Variants in CHN2 observed in about 807,000 individuals in gnomAD.
CHN2 encodes the protein chimerin 2, also known as beta-chimaerin.
A neutral mutation model predicts 56.3 loss-of-function variants in CHN2; 35 were observed. That is an observed-to-expected ratio of 0.62 (90% CI 0.47 to 0.82). The LOEUF is 0.82. Ranked by LOEUF, CHN2 falls within the 40% of genes least tolerant of loss-of-function variation. The pLI is 0.00. For missense variants in CHN2, 491 were observed against 580.5 expected, an observed-to-expected ratio of 0.85 and a Z score of 1.58; for synonymous variants, 210 against 212.8, an observed-to-expected ratio of 0.99 and a Z score of 0.12.
chr7:29,230,621 G>A (rs1159631903), intron 1 of CHN2, among the ~76,000 whole-genome samples: 3 of 152,164 alleles, frequency 2.0e-5, no homozygotes, highest in African/African-American at 2.4e-5. Flanking sequence ...GATTACAGGC[G>A]TGAGCCACCA....
intron 1 of CHN2, among the ~76,000 whole-genome samples, chr7:29,313,795 G>A (rs2128888785): frequency 6.6e-6 from 1 of 152,274 alleles, no homozygotes; most frequent in East Asian, 1.9e-4. Context: ...GCAGAGATGG[G>A]GGTCTTAAGG....
rs1180658303 is a variant in CHN2, at chr7:29,302,276, CTCCTCT to C, written c.50-52346_50-52341del. 5.1e-3 allele frequency among the ~76,000 whole-genome samples: 772 copies of C among 151,568 alleles called. 6 individuals carry two copies. The highest frequency in any genetic ancestry group is 0.018 in the African/African-American group (725 of 41,290). Reference sequence around the variant, plus strand: ...CTGCTGCTGCTTCTCCCTCTTCTTCCTCCTCTTCTTCTTCCTCCTCTTCTTCCTTCT... The same window carrying C: ...CTGCTGCTGCTTCTCCCTCTTCTTCCTCTTCTTCCTCCTCTTCTTCCTTCT... On this transcript the variant is annotated intron_variant, in intron 1 of 12. Coordinates refer to ENST00000222792, the MANE Select transcript of CHN2 (RefSeq NM_004067.4).
intron 1 of CHN2, among the ~76,000 whole-genome samples, chr7:29,332,161 C>CGCAGTG (rs1562523815): frequency 6.6e-6 from 1 of 152,196 alleles, no homozygotes; most frequent in African/African-American, 2.4e-5. Context: ...TGAGAACTCC[C>CGCAGTG]GCAGTGGCGC....
intron 6 of CHN2, among the ~76,000 whole-genome samples, chr7:29,423,294 C>T (rs1039279302): frequency 2.0e-5 from 3 of 152,252 alleles, no homozygotes; most frequent in Non-Finnish European, 2.9e-5. Context: ...ACTGAAGACT[C>T]ATTCCCCCAG....
intron 1 of CHN2, among the ~76,000 whole-genome samples, chr7:29,279,066 G>A (rs1276911964): frequency 6.6e-6 from 1 of 151,720 alleles, no homozygotes; most frequent in Non-Finnish European, 1.5e-5. Context: ...CCATAGCCAT[G>A]CTTGTAGCTT....
intron 1 of CHN2, among the ~76,000 whole-genome samples, chr7:29,301,285 G>A (rs1363521292): frequency 6.6e-6 from 1 of 150,900 alleles, no homozygotes; most frequent in East Asian, 1.9e-4. Context: ...TCTATAGAAT[G>A]CTTTTAAAAA....
chr7:29,308,548 C>CT (rs751660806), intron 1 of CHN2, among the ~76,000 whole-genome samples: 2 of 152,196 alleles, frequency 1.3e-5, no homozygotes, highest in African/African-American at 4.8e-5. Context: ...TGTGACCTCT[C>CT]TTTCCCCCGG....
chr7:29,348,960 C>A (rs993087828), intron 1 of CHN2, among the ~76,000 whole-genome samples: 12 of 151,976 alleles, frequency 7.9e-5, no homozygotes, highest in Non-Finnish European at 1.5e-4. Flanking sequence ...GAATATTTAC[C>A]TTTTCTTAAA....
At chr7:29,354,782 ATCTT>A (rs1263334891) in intron 2 of CHN2, 119 bp downstream of exon 2, 6 of 847,654 alleles carry the variant, frequency 7.1e-6, no homozygotes, top group Non-Finnish European at 1.1e-5. Context: ...GAAAACCCAA[ATCTT>A]TCTTTCCACT....
At chr7:29,252,641 T>A (rs1243510854) in intron 1 of CHN2, among the ~76,000 whole-genome samples, 1 of 89,274 alleles carries the variant, frequency 1.1e-5, no homozygotes, top group Non-Finnish European at 1.9e-5. Flanking sequence ...CAGGCCAGAC[T>A]GCGGACTGCA....
At chr7:29,302,528 A>G (rs1314539504) in intron 1 of CHN2, among the ~76,000 whole-genome samples, 5 of 127,358 alleles carry the variant, frequency 3.9e-5, no homozygotes, top group African/African-American at 1.4e-4. Context: ...TTTTTAAGAG[A>G]TAGGGTCTCA....
In CHN2 at chr7:29,402,272, C is replaced by T. The variant is rs186367431; in HGVS notation, c.576+1444C>T. Among the ~76,000 whole-genome samples, 55 of 152,204 alleles carry T rather than the reference C, an allele frequency of 3.6e-4. 1 individual carries two copies. Among genetic ancestry groups the T allele is most frequent in the Non-Finnish European group, 7.5e-4 (51 of 68,036 alleles). ...CTTCAGATCCTAGGAGAACCTTCCA[C>T]AGAATCACATCAGTGCAGCAGCTGG... is the stretch of plus-strand genomic sequence containing the variant. On this transcript the variant is annotated intron_variant, in intron 6 of 12. Coordinates refer to ENST00000222792, the MANE Select transcript of CHN2 (RefSeq NM_004067.4).
At chr7:29,509,171 CAG>C in intron 11 of CHN2, 128 bp from the exon 12 acceptor site, 1 of 664,536 alleles carries the variant, frequency 1.5e-6, no homozygotes, top group Non-Finnish European at 2.7e-6. Context: ...TTAAGTGAAA[CAG>C]TGCTTGGATT....
intron 1 of CHN2, among the ~76,000 whole-genome samples, chr7:29,284,346 C>T (rs1238529910): frequency 2.0e-5 from 3 of 152,156 alleles, no homozygotes; most frequent in Non-Finnish European, 4.4e-5. Flanking sequence ...CTGCCTGCCT[C>T]GACCTCCCAA....
chr7:29,477,545 A>T (rs1330218677), intron 6 of CHN2, among the ~76,000 whole-genome samples: 1 of 152,250 alleles, frequency 6.6e-6, no homozygotes, highest in East Asian at 1.9e-4. Context: ...CACCATCAAA[A>T]GGTCTCTCTC....
intron 1 of CHN2, among the ~76,000 whole-genome samples, chr7:29,252,055 A>T (rs1357888532): frequency 1.3e-5 from 2 of 152,158 alleles, no homozygotes; most frequent in African/African-American, 2.4e-5. Context: ...GGTTTAGGTA[A>T]AAATTTTGCC....
intron 6 of CHN2, among the ~76,000 whole-genome samples, chr7:29,467,998 CTT>C (rs542587337): frequency 1.3e-4 from 20 of 152,150 alleles, no homozygotes; most frequent in African/African-American, 4.8e-4. Flanking sequence ...AATATCATGT[CTT>C]TGCAGCATGG....
At chr7:29,317,913 G>A (rs184832445) in intron 1 of CHN2, among the ~76,000 whole-genome samples, 169 of 152,278 alleles carry the variant, frequency 1.1e-3, no homozygotes, top group African/African-American at 4.0e-3. Context: ...GAGCCCAGGC[G>A]GCAGAGGTTG....
upstream of CHN2, chr7:29,192,643 A>G (rs556103624): frequency 3.3e-5 from 5 of 152,346 alleles, no homozygotes; most frequent in Admixed American, 2.6e-4. Context: ...CACAAACTTC[A>G]TGCCAGGTAC....
Sources: allele counts gnomAD v4.1 joint callset (sites outside exome capture counted in the v4.1 genomes callset), GRCh38; gene constraint gnomAD v4.1.1; transcripts MANE v1.5; gene names NCBI Gene and HGNC (gene_info 2026-07-23, HGNC 2026-07-21).